The following ABR variants were observed in gnomAD, a reference collection of about 807,000 sequenced individuals.
ABR encodes the protein active breakpoint cluster region-related protein.
In ABR, 35 loss-of-function variants were observed where a neutral mutation model predicts 107.2. That is an observed-to-expected ratio of 0.33 (90% confidence interval 0.25 to 0.43). ABR has a LOEUF of 0.43. Among genes scored for constraint, ABR ranks in the 20% least tolerant of loss-of-function variants. The probability of loss-of-function intolerance (pLI) is 1.00; values close to 1 mark genes in which losing one functional copy is unlikely to be tolerated. For missense variants in ABR, 815 were observed against 1,115.2 expected, an observed-to-expected ratio of 0.73 and a Z score of 3.83; for synonymous variants, 498 against 462.0, an observed-to-expected ratio of 1.08 and a Z score of -1.00.
intron 1 of ABR, among the ~76,000 whole-genome samples, chr17:1,137,832 G>T (rs1007476365): frequency 9.2e-5 from 14 of 152,194 alleles, no homozygotes; most frequent in African/African-American, 2.4e-5. Context: ...AGCGAGGTAT[G>T]CCTGCACCGC....
chr17:1,015,420 G>GA (rs534410630), intron 16 of ABR, among the ~76,000 whole-genome samples: 84,553 of 131,436 alleles, frequency 0.64, 26,631 homozygotes, highest in African/African-American at 0.77. Flanking sequence ...CCTGTCTCAA[G>GA]AAAAAAAAAA....
chr17:1,192,191 G>A (rs1203972822), upstream of ABR, among the ~76,000 whole-genome samples: 1 of 151,976 alleles, frequency 6.6e-6, no homozygotes, highest in African/African-American at 2.4e-5. Flanking sequence ...TACCCAGGCT[G>A]GTCTCGAACT....
chr17:1,070,165 C>A lies in ABR; in HGVS notation c.895-75G>T. On this transcript the variant is annotated intron_variant, in intron 8 of 22. Coordinates refer to ENST00000302538, the MANE Select transcript of ABR (RefSeq NM_021962.5). This position sits in a 1 kb window ranked among gnomAD's most constrained non-coding sequence, Gnocchi z 4.2. Reference sequence around the variant, plus strand: ...AGGGCAGAGCCTGCACACGGGGGCACGGCCAGCCAGGGAGGACTGGACCGA... The same window carrying A: ...AGGGCAGAGCCTGCACACGGGGGCAAGGCCAGCCAGGGAGGACTGGACCGA... 2 of 1,583,908 alleles carry A rather than the reference C, an allele frequency of 1.3e-6. No individual in the cohort carries two copies. The highest frequency in any genetic ancestry group is 1.7e-6 in the Non-Finnish European group (2 of 1,162,198).
At position 1,124,777 on chromosome 17, in the gene ABR, G is replaced by A. The variant is rs575959141; in HGVS notation, c.246+406C>T. On this transcript the variant is annotated intron_variant, in intron 2 of 22. Coordinates refer to ENST00000302538, the MANE Select transcript of ABR (RefSeq NM_021962.5). Reference sequence around the variant, plus strand: ...AGCACCAGGCCCAGGCTGGCTTTGCGGGAGCAGCATCTGAACACCTGGAGC... The same window carrying A: ...AGCACCAGGCCCAGGCTGGCTTTGCAGGAGCAGCATCTGAACACCTGGAGC... Among the ~76,000 whole-genome samples, 7 of 152,288 alleles carry A rather than the reference G, an allele frequency of 4.6e-5. No individual in the cohort carries two copies. In the South Asian group the frequency reaches 1.2e-3, roughly 27 times the overall value.
At chr17:1,074,110 G>A (rs1000645266) in intron 6 of ABR, among the ~76,000 whole-genome samples, 9 of 147,108 alleles carry the variant, frequency 6.1e-5, no homozygotes, top group African/African-American at 2.0e-4. Context: ...ACCCAGCCAC[G>A]CCCCGAAGAG....
chr17:1,080,995 T>C (rs1195981560), intron 5 of ABR, among the ~76,000 whole-genome samples: 4 of 152,144 alleles, frequency 2.6e-5, no homozygotes, highest in Non-Finnish European at 5.9e-5. Flanking sequence ...GCCAGGGGCC[T>C]GGCTCTGCCC....
In ABR at chr17:1,154,109, C is replaced by T. The variant is rs2040942019; in HGVS notation, c.61+25558G>A. The T allele has an allele frequency of 1.3e-5, 2 of 153,128 alleles. No individual in the cohort carries two copies. Among genetic ancestry groups the T allele is most frequent in the Non-Finnish European group, 2.9e-5 (2 of 68,714 alleles). 9.5% of individuals were successfully genotyped at this position (153,128 alleles called of 1,614,324 possible). On this transcript the variant is annotated intron_variant, in intron 1 of 22. Coordinates refer to ENST00000302538, the MANE Select transcript of ABR (RefSeq NM_021962.5). The surrounding 1 kb of genome is among the most constrained non-coding windows in gnomAD (Gnocchi z 4.0). ...AATCTCAGCTTCCCCCAGTTCTGCT[C>T]CGAGGACTGGGTCTAAGGGACGAGG...
At chr17:1,067,334 G>A in intron 9 of ABR, 92 bp from the exon 10 acceptor site, 1 of 1,112,088 alleles carries the variant, frequency 9.0e-7, no homozygotes, top group Non-Finnish European at 1.2e-6. Flanking sequence ...CCACTGACAG[G>A]GGTTGACTGA....
At chr17:1,203,714 C>T (rs1404552400) in intron 1 of ABR, among the ~76,000 whole-genome samples, 1 of 152,140 alleles carries the variant, frequency 6.6e-6, no homozygotes, top group African/African-American at 2.4e-5. Context: ...GGGTCGTGTC[C>T]GTGACTCGCG....
intron 2 of ABR, among the ~76,000 whole-genome samples, chr17:1,107,735 G>A (rs1332544910): frequency 6.6e-6 from 1 of 152,204 alleles, no homozygotes; most frequent in South Asian, 2.1e-4. Context: ...GGGGAGACGT[G>A]ACTTACCCCC....
chr17:1,121,333 A>G (rs1292851771), intron 2 of ABR, among the ~76,000 whole-genome samples: 2 of 152,270 alleles, frequency 1.3e-5, no homozygotes, highest in African/African-American at 4.8e-5. Flanking sequence ...AGGTTCGGTC[A>G]TGGTGCAGCA....
intron 13 of ABR, among the ~76,000 whole-genome samples, chr17:1,056,692 C>T (rs1012475713): frequency 3.9e-5 from 6 of 152,188 alleles, no homozygotes; most frequent in African/African-American, 7.2e-5. Flanking sequence ...AGCCTCATTT[C>T]CCATACACCA....
At chr17:1,162,220 C>T (rs1019478600) in intron 1 of ABR, among the ~76,000 whole-genome samples, 4 of 152,216 alleles carry the variant, frequency 2.6e-5, no homozygotes, top group Non-Finnish European at 5.9e-5. Context: ...GAGAACAGCG[C>T]CGTGAACACA....
At chr17:1,097,975 G>GAA (rs2037588055) in intron 3 of ABR, among the ~76,000 whole-genome samples, 1 of 152,150 alleles carries the variant, frequency 6.6e-6, no homozygotes, top group South Asian at 2.1e-4. Context: ...CAACCCCATG[G>GAA]AAAGAGAGAG....
intron 1 of ABR, among the ~76,000 whole-genome samples, chr17:1,156,472 C>A (rs980172531): frequency 2.0e-5 from 3 of 152,110 alleles, no homozygotes; most frequent in African/African-American, 7.2e-5. Context: ...TCACCTGACG[C>A]CAGGAGTTCA....
intron 1 of ABR, among the ~76,000 whole-genome samples, chr17:1,208,072 G>C (rs1308355555): frequency 1.3e-5 from 2 of 152,144 alleles, no homozygotes; most frequent in Non-Finnish European, 2.9e-5. Flanking sequence ...CACCTGTCCA[G>C]ATCAACCACT....
At chr17:1,182,227 C>G (rs898126584), upstream of ABR, 1 of 152,134 alleles carries the variant, frequency 6.6e-6, no homozygotes, top group Non-Finnish European at 1.5e-5. Flanking sequence ...GTGATCTCAC[C>G]GTGAATGTCA....
In ABR at chr17:1,037,233, C is replaced by G. The variant is rs1247890127; in HGVS notation, c.1791+12817G>C. Among the ~76,000 whole-genome samples, 1 of 152,218 alleles carries G rather than the reference C, an allele frequency of 6.6e-6. No individual in the cohort carries two copies. The highest frequency in any genetic ancestry group is 1.5e-5 in the Non-Finnish European group (1 of 68,030). ...AAATCAGTTGCTCTACGGCCCAGAC[C>G]TAGGCCTGCCCAAGGTAACCTGCTG... is the stretch of plus-strand genomic sequence containing the variant. On this transcript the variant is annotated intron_variant, in intron 16 of 22. Coordinates refer to ENST00000302538, the MANE Select transcript of ABR (RefSeq NM_021962.5). The surrounding 1 kb of genome is among the most constrained non-coding windows in gnomAD (Gnocchi z 4.6).
At chr17:1,085,791 C>T (rs892544246) in intron 4 of ABR, among the ~76,000 whole-genome samples, 2 of 152,120 alleles carry the variant, frequency 1.3e-5, no homozygotes, top group Non-Finnish European at 2.9e-5. Flanking sequence ...TTTGGATCTG[C>T]GGGAATAAAT....
Sources: allele counts gnomAD v4.1 joint callset (sites outside exome capture counted in the v4.1 genomes callset), GRCh38; gene constraint gnomAD v4.1.1; non-coding constraint Gnocchi (gnomAD v3.1); transcripts MANE v1.5; gene names NCBI Gene and HGNC (gene_info 2026-07-23, HGNC 2026-07-21).